Variants in ZNF469 observed in about 807,000 individuals in gnomAD.
ZNF469 encodes the protein zinc finger protein 469.
A neutral mutation model predicts 1.0 loss-of-function variants in ZNF469; 1 was observed. That is an observed-to-expected ratio of 1.00 (90% CI 0.35 to 4.73). ZNF469 has a LOEUF of 4.73. ZNF469 is among the 30% of genes most tolerant of loss of function. The probability of loss-of-function intolerance (pLI) is 0.16; values close to 1 mark genes in which losing one functional copy is unlikely to be tolerated. For missense variants in ZNF469, 6,100 were observed against 5,356.3 expected (o/e 1.14, Z -4.33); for synonymous variants, 2,703 against 2,363.4 (o/e 1.14, Z -4.17).
the ZNF469 span, among the ~76,000 whole-genome samples, chr16:88,145,349 G>A: frequency 6.6e-6 from 1 of 152,190 alleles, no homozygotes; most frequent in Non-Finnish European, 1.5e-5. Context: ...GGCCCCTCGT[G>A]CTATCTCTGC....
chr16:88,143,831 C>T, the ZNF469 span, among the ~76,000 whole-genome samples: 1 of 152,194 alleles, frequency 6.6e-6, no homozygotes, highest in African/African-American at 2.4e-5. Flanking sequence ...GGCTCTGTGT[C>T]TCCTGCATCT....
the ZNF469 span, among the ~76,000 whole-genome samples, chr16:88,265,531 C>T: frequency 6.6e-5 from 10 of 152,308 alleles, no homozygotes; most frequent in African/African-American, 2.4e-4. Flanking sequence ...CGGCAGTATC[C>T]GGCGGGGCCG....
the ZNF469 span, among the ~76,000 whole-genome samples, chr16:88,112,659 C>G: frequency 6.6e-6 from 1 of 151,776 alleles, no homozygotes; most frequent in Non-Finnish European, 1.5e-5. Context: ...GTTGTTTGAG[C>G]TCATTATATG....
chr16:88,256,707 G>A, the ZNF469 span, among the ~76,000 whole-genome samples: 13 of 152,030 alleles, frequency 8.6e-5, no homozygotes, highest in Non-Finnish European at 2.9e-5. Flanking sequence ...CCACATCCTC[G>A]CCCAGCATTT....
At chr16:88,376,357 C>T in the ZNF469 span, among the ~76,000 whole-genome samples, 8 of 152,374 alleles carry the variant, frequency 5.3e-5, no homozygotes, top group East Asian at 1.2e-3. Flanking sequence ...TTCACACAGC[C>T]GGGCCCGGTG....
chr16:88,358,083 A>G, the ZNF469 span, among the ~76,000 whole-genome samples: 4 of 152,158 alleles, frequency 2.6e-5, no homozygotes, highest in African/African-American at 9.7e-5. Context: ...GCCTCCTTTC[A>G]GGGCAAGCTT....
chr16:88,277,513 G>T, the ZNF469 span, among the ~76,000 whole-genome samples: 2 of 145,470 alleles, frequency 1.4e-5, no homozygotes, highest in African/African-American at 2.6e-5. Context: ...GTACCGTGTA[G>T]ATATCAGTGC....
chr16:88,102,192 G>T, the ZNF469 span, among the ~76,000 whole-genome samples: 15 of 152,182 alleles, frequency 9.9e-5, no homozygotes, highest in Non-Finnish European at 2.1e-4. Flanking sequence ...CGGGACAGAG[G>T]GCGTCGGTGG....
At chr16:88,312,698 C>A in the ZNF469 span, among the ~76,000 whole-genome samples, 1 of 152,088 alleles carries the variant, frequency 6.6e-6, no homozygotes, top group Non-Finnish European at 1.5e-5. Flanking sequence ...GAGGGAGAGA[C>A]GCCATTTTTC....
the ZNF469 span, among the ~76,000 whole-genome samples, chr16:88,105,461 C>T: frequency 1.8e-4 from 28 of 152,186 alleles, no homozygotes; most frequent in African/African-American, 6.0e-4. Context: ...CCTGTGACCA[C>T]GCCCAGCTAA....
chr16:88,149,573 G>A, the ZNF469 span, among the ~76,000 whole-genome samples: 5 of 152,270 alleles, frequency 3.3e-5, no homozygotes, highest in African/African-American at 7.2e-5. Context: ...AGCAGTGGGC[G>A]AGTCTTGCAC....
chr16:88,294,126 T>C, the ZNF469 span, among the ~76,000 whole-genome samples: 1 of 152,246 alleles, frequency 6.6e-6, no homozygotes, highest in Non-Finnish European at 1.5e-5. Context: ...AGGAAAGCTC[T>C]GGCTCAAATT....
At chr16:88,277,099 C>T in the ZNF469 span, among the ~76,000 whole-genome samples, 1 of 149,218 alleles carries the variant, frequency 6.7e-6, no homozygotes, top group African/African-American at 2.5e-5. Context: ...GATGTCAGTG[C>T]ACGGTTAGTG....
the ZNF469 span, among the ~76,000 whole-genome samples, chr16:88,193,025 T>G: frequency 2.1e-3 from 306 of 148,374 alleles, 3 homozygotes; most frequent in African/African-American, 4.4e-3. Context: ...GTGGTGGTGG[T>G]GATGGTGGTG....
At chr16:88,114,680 C>T in the ZNF469 span, among the ~76,000 whole-genome samples, 2 of 152,350 alleles carry the variant, frequency 1.3e-5, no homozygotes, top group South Asian at 4.1e-4. Flanking sequence ...CTGAGCCTCT[C>T]TGCAGCCTGG....
In ZNF469 at chr16:88,436,966, A is replaced by G; in HGVS notation, c.9496A>G (p.Arg3166Gly). 6.7e-7 allele frequency: 1 copy of G among 1,498,684 alleles called. No individual in the cohort carries two copies. The allele number at this position is 1,498,684 out of a possible 1,614,324, so 92.8% of individuals were successfully genotyped here. The change falls in exon 3 of 3, where the codon AGG (arginine) becomes GGG (glycine). Residue 3166 changes from arginine to glycine, a missense_variant. Physicochemically the swap from Arg to Gly is moderately radical, Grantham distance 125. Coordinates refer to ENST00000565624, the MANE Select transcript of ZNF469 (RefSeq NM_001367624.2). ...GCTGCTGCGGGGGCACCTGCAGGAG[A>G]GGCACGCGCAGAGCAAGGCCGGGCC... ...RELLRGHLQE[R>G]HAQSKAGPWA...
At chr16:88,372,767 T>A in the ZNF469 span, among the ~76,000 whole-genome samples, 1 of 137,514 alleles carries the variant, frequency 7.3e-6, no homozygotes, top group Non-Finnish European at 1.6e-5. Flanking sequence ...CTTTACCATC[T>A]TCACCATCAT....
the ZNF469 span, among the ~76,000 whole-genome samples, chr16:88,212,448 T>G: frequency 6.6e-6 from 1 of 152,244 alleles, no homozygotes; most frequent in Non-Finnish European, 1.5e-5. Flanking sequence ...TCTGCTCTTC[T>G]TCAGTGGTAT....
rs529180104 is a variant in ZNF469, at chr16:88,435,767, T to C, written c.8297T>C (p.Val2766Ala). The C allele has an allele frequency of 3.2e-6, 5 of 1,550,662 alleles. No homozygotes were observed. The African/African-American group carries it at 6.8e-5, about 21-fold the overall frequency. ...CCAAGAGAGACCAAGGCGTTGGGTG[T>C]GTGCAAAGAGTCTGGGAGCGAGCCT... ...WGPRETKALG[V>A]CKESGSEPAE... Residue 2766 changes from valine to alanine, a missense_variant, in exon 3 of 3, where the codon GTG (valine) becomes GCG (alanine). Val to Ala is a moderately conservative substitution (Grantham distance 64). Transcript: ENST00000565624.
Sources: gnomAD v4.1 joint callset for allele counts (sites outside exome capture counted in the v4.1 genomes callset) on GRCh38, gnomAD v4.1.1 for gene constraint, MANE v1.5 for transcripts, NCBI Gene and HGNC (gene_info 2026-07-23, HGNC 2026-07-21) for gene names.